MGAT5B: variants seen among roughly 807,000 people sequenced by gnomAD.
MGAT5B encodes the protein alpha-1,6-mannosylglycoprotein 6-beta-N-acetylglucosaminyltransferase B, also known as N-acetylglucosaminyl-transferase Vb.
Under a neutral mutation model 95.1 loss-of-function variants are expected in MGAT5B, and 54 were observed. The ratio of observed to expected loss-of-function variants is 0.57; its 90% CI spans 0.46 to 0.71. MGAT5B has a LOEUF of 0.71. MGAT5B is among the 30% of genes least tolerant of loss of function. The pLI, the probability that MGAT5B is intolerant of heterozygous loss-of-function variation, is 0.00. For synonymous variants in MGAT5B, 464 were observed against 451.0 expected (o/e 1.03, Z -0.36); for missense variants, 935 against 1,088.6 (o/e 0.86, Z 1.99).
At chr17:76,910,715 C>T (rs1039842304) in intron 8 of MGAT5B, among the ~76,000 whole-genome samples, 2 of 152,258 alleles carry the variant, frequency 1.3e-5, no homozygotes, top group South Asian at 4.1e-4. Context: ...CAAGCTCTTG[C>T]AGATCTAAAG....
chr17:76,882,609 G>A, intron 3 of MGAT5B: 1 of 281,966 alleles, frequency 3.5e-6, no homozygotes, highest in Non-Finnish European at 6.6e-6. Flanking sequence ...GAGCACATTT[G>A]CACATATGTT....
At chr17:76,900,802 T>C (rs941287669) in intron 3 of MGAT5B, among the ~76,000 whole-genome samples, 1 of 152,222 alleles carries the variant, frequency 6.6e-6, no homozygotes, top group African/African-American at 2.4e-5. Flanking sequence ...GTTTTATGTT[T>C]GTTTGTTTTT....
At chr17:76,878,975 C>T (rs1031043152) in intron 2 of MGAT5B, among the ~76,000 whole-genome samples, 2 of 151,010 alleles carry the variant, frequency 1.3e-5, no homozygotes, top group Non-Finnish European at 3.0e-5. Flanking sequence ...CGCAGCAGAG[C>T]GGGCCTGGAG....
intron 2 of MGAT5B, among the ~76,000 whole-genome samples, chr17:76,877,214 C>T (rs1156578791): frequency 6.6e-6 from 1 of 151,716 alleles, no homozygotes; most frequent in Non-Finnish European, 1.5e-5. Context: ...CATCTCAGCT[C>T]CTCGGGAGGC....
At position 76,889,142 on chromosome 17, in the gene MGAT5B, G is replaced by A. The variant is rs1192795983; in HGVS notation, c.329+6844G>A. Reference sequence around the variant, plus strand: ...CCAGGTCTCCCATGCCAGGTACACCGAGCTGTTTTGCAGATGCAGTGAGAA... The same window carrying A: ...CCAGGTCTCCCATGCCAGGTACACCAAGCTGTTTTGCAGATGCAGTGAGAA... On this transcript the variant is annotated intron_variant, in intron 3 of 17. Transcript: ENST00000569840. The surrounding 1 kb of genome is among the most constrained non-coding windows in gnomAD (Gnocchi z 4.4). Among the ~76,000 whole-genome samples, 1 of 152,192 alleles carries A rather than the reference G, an allele frequency of 6.6e-6. No homozygotes were observed. The highest frequency in any genetic ancestry group is 1.9e-4 in the East Asian group (1 of 5,202).
Position 76,903,369 on chromosome 17 carries a change from A to T in MGAT5B, c.512A>T (p.Lys171Met), listed in dbSNP as rs1968393408. The change falls in exon 5 of 18, where the codon AAG becomes ATG. Residue 171 changes from lysine (K) to methionine (M), a missense_variant. Lys to Met is a moderately conservative substitution (Grantham distance 95). This residue lies in a region of MGAT5B where 243 missense variants were observed against 305.5 expected (regional missense o/e 0.80). Coordinates refer to ENST00000569840, the MANE Select transcript of MGAT5B (RefSeq NM_001199172.2). The stretch of plus-strand genomic sequence containing the variant: ...CCCAAGTTCCCTGACTGCTCAGGGA[A>T]GGTGGAGGTGAGGCCTGGGGCTGAG... ...SDPKFPDCSG[K>M]VEWMRARWTS... The T allele has an allele frequency of 6.2e-7, 1 of 1,610,246 alleles. No homozygotes were observed. Among genetic ancestry groups the T allele is most frequent in the African/African-American group, 1.3e-5 (1 of 74,864 alleles).
At chr17:76,945,353 A>G (rs993309759) in intron 15 of MGAT5B, among the ~76,000 whole-genome samples, 1 of 152,258 alleles carries the variant, frequency 6.6e-6, no homozygotes, top group East Asian at 1.9e-4. Flanking sequence ...GCAATGGTGC[A>G]GTCTCAGCTC....
At chr17:76,881,891 T>C (rs894440296) in intron 2 of MGAT5B, among the ~76,000 whole-genome samples, 4 of 152,178 alleles carry the variant, frequency 2.6e-5, no homozygotes, top group African/African-American at 9.7e-5. Flanking sequence ...GCTTAGGAAA[T>C]GATCCCAATG....
rs1968486209 is a variant in MGAT5B, at chr17:76,905,408, A to T, written c.855+75A>T. On this transcript the variant is annotated intron_variant, in intron 7 of 17. Transcript: ENST00000569840. This position sits in a 1 kb window ranked among gnomAD's most constrained non-coding sequence, Gnocchi z 4.2. ...CCCCACTTCTGAGTGGGCATGGAAT[A>T]GGTCTTCAAACAAGCTGTAGTGGGC... The T allele has an allele frequency of 1.3e-5, 17 of 1,313,748 alleles. No homozygotes were observed. In the South Asian group the frequency reaches 2.7e-4, roughly 21 times the overall value. The allele number at this position is 1,313,748 out of a possible 1,614,324, so 81.4% of individuals were successfully genotyped here.
intron 5 of MGAT5B, 107 bp from the exon 6 acceptor site, chr17:76,904,145 T>A (rs1339807354): frequency 8.6e-7 from 1 of 1,162,668 alleles, no homozygotes; most frequent in East Asian, 2.6e-5. Context: ...GTGGGCCACA[T>A]GGGCCCCATC....
At chr17:76,882,425 C>CAAAT in intron 3 of MGAT5B, 127 bp downstream of exon 3, 2 of 1,137,682 alleles carry the variant, frequency 1.8e-6, no homozygotes, top group Non-Finnish European at 2.3e-6. Context: ...GTGGTACAGC[C>CAAAT]CAGAGTGCAT....
chr17:76,896,592 C>T (rs1598920226), intron 3 of MGAT5B, among the ~76,000 whole-genome samples: 1 of 152,202 alleles, frequency 6.6e-6, no homozygotes, highest in East Asian at 1.9e-4. Context: ...AGCTTATCCT[C>T]ACCAATAACT....
intron 10 of MGAT5B, among the ~76,000 whole-genome samples, chr17:76,932,001 C>A (rs1320464384): frequency 6.6e-6 from 1 of 151,644 alleles, no homozygotes; most frequent in African/African-American, 2.4e-5. Context: ...GCTGGTGGTG[C>A]TTCTTCCTTC....
In MGAT5B at chr17:76,949,182, G is replaced by T; in HGVS notation, c.*344G>T. The T allele has an allele frequency of 3.4e-6, 1 of 297,178 alleles. No individual in the cohort carries two copies. Among genetic ancestry groups the T allele is most frequent in the South Asian group, 5.4e-5 (1 of 18,378 alleles). The allele number at this position is 297,178 out of a possible 1,614,324, so 18.4% of individuals were successfully genotyped here. On this transcript the variant is annotated 3_prime_UTR_variant, in exon 18 of 18. Coordinates refer to ENST00000569840, the MANE Select transcript of MGAT5B (RefSeq NM_001199172.2). ...CAAGGCCGGATCTGGGCCAGGTGGC[G>T]AAAGGGGCCCAGTCGTTCTTGGGCC...
At chr17:76,875,139 A>G (rs887101523) in intron 2 of MGAT5B, among the ~76,000 whole-genome samples, 2 of 152,232 alleles carry the variant, frequency 1.3e-5, no homozygotes, top group Non-Finnish European at 2.9e-5. Context: ...CTGATCACAT[A>G]GAAGAGTTCT....
chr17:76,904,119 C>G (rs960363840), intron 5 of MGAT5B, 133 bp from the exon 6 acceptor site: 2 of 880,098 alleles, frequency 2.3e-6, no homozygotes, highest in Admixed American at 5.5e-5. Flanking sequence ...GCCCTGTCCC[C>G]TGTTGCATCA....
intron 12 of MGAT5B, among the ~76,000 whole-genome samples, chr17:76,936,322 T>G (rs1969670871): frequency 6.6e-6 from 1 of 152,100 alleles, no homozygotes; most frequent in Admixed American, 6.5e-5. Context: ...GCAGGAGAAT[T>G]GTTTGAACCT....
chr17:76,892,807 G>A (rs1056159397), intron 3 of MGAT5B, among the ~76,000 whole-genome samples: 1 of 152,198 alleles, frequency 6.6e-6, no homozygotes, highest in Non-Finnish European at 1.5e-5. Flanking sequence ...TGGGGGCTCA[G>A]TCTCAGAGAC....
At chr17:76,931,183 G>A (rs1354586310) in intron 10 of MGAT5B, among the ~76,000 whole-genome samples, 1 of 152,146 alleles carries the variant, frequency 6.6e-6, no homozygotes, top group Non-Finnish European at 1.5e-5. Context: ...TGAAACCTCC[G>A]CCTCCCAAGT....
Sources: allele counts gnomAD v4.1 joint callset (sites outside exome capture counted in the v4.1 genomes callset), GRCh38; gene constraint gnomAD v4.1.1; regional missense constraint gnomAD v4.1.1; non-coding constraint Gnocchi (gnomAD v3.1); transcripts MANE v1.5; gene names NCBI Gene and HGNC (gene_info 2026-07-23, HGNC 2026-07-21).